The following ZMIZ1 variants were observed in gnomAD, a reference collection of about 807,000 sequenced individuals.
ZMIZ1 encodes zinc finger MIZ-type containing 1.
In ZMIZ1, 17 loss-of-function variants were observed where a neutral mutation model predicts 113.9. The observed-to-expected ratio is 0.15, with a 90% CI of 0.10 to 0.22. ZMIZ1 has a LOEUF of 0.22. Ranked by LOEUF, ZMIZ1 falls within the 10% of genes least tolerant of loss-of-function variation. The probability of loss-of-function intolerance (pLI) is 1.00; values close to 1 mark genes in which losing one functional copy is unlikely to be tolerated. For synonymous variants in ZMIZ1, 607 were observed against 603.1 expected, an observed-to-expected ratio of 1.01 and a Z score of -0.09; for missense variants, 1,059 against 1,477.8, an observed-to-expected ratio of 0.72 and a Z score of 4.65.
intron 1 of ZMIZ1, among the ~76,000 whole-genome samples, chr10:79,107,680 G>A (rs1201055742): frequency 1.3e-5 from 2 of 152,216 alleles, no homozygotes; most frequent in Admixed American, 6.5e-5. Flanking sequence ...GTTGATGGAC[G>A]CTACTTGGAG....
chr10:79,184,889 T>C (rs1196270034), intron 4 of ZMIZ1, among the ~76,000 whole-genome samples: 1 of 152,224 alleles, frequency 6.6e-6, no homozygotes, highest in Non-Finnish European at 1.5e-5. Context: ...CCTCAGCTGC[T>C]GTCAGATGAA....
intron 6 of ZMIZ1, among the ~76,000 whole-genome samples, chr10:79,214,556 C>T (rs973730320): frequency 7.2e-5 from 11 of 152,114 alleles, no homozygotes; most frequent in African/African-American, 2.4e-4. Flanking sequence ...CCCTTTTAGC[C>T]CCAGAGCCCC....
chr10:79,073,237 G>A (rs1350267078), intron 1 of ZMIZ1, among the ~76,000 whole-genome samples: 6 of 152,212 alleles, frequency 3.9e-5, no homozygotes, highest in African/African-American at 1.4e-4. Context: ...GATCCCACTT[G>A]GTTGCTGGGA....
chr10:79,142,063 C>T (rs982385479), intron 3 of ZMIZ1, among the ~76,000 whole-genome samples: 8 of 152,150 alleles, frequency 5.3e-5, no homozygotes, highest in Admixed American at 3.9e-4. Flanking sequence ...AAGACGGAGA[C>T]AGTCAGGGAA....
intron 2 of ZMIZ1, among the ~76,000 whole-genome samples, chr10:79,138,662 C>T (rs919845188): frequency 6.6e-6 from 1 of 152,210 alleles, no homozygotes. Context: ...GCCCGCCCCT[C>T]CTCCATGCCT....
chr10:79,099,312 C>T (rs977974032), intron 1 of ZMIZ1, among the ~76,000 whole-genome samples: 4 of 152,112 alleles, frequency 2.6e-5, no homozygotes, highest in Non-Finnish European at 5.9e-5. Context: ...CACAGGGACC[C>T]CATGCTCCCA....
At chr10:79,090,696 T>C (rs1355338047) in intron 1 of ZMIZ1, among the ~76,000 whole-genome samples, 1 of 152,094 alleles carries the variant, frequency 6.6e-6, no homozygotes, top group Non-Finnish European at 1.5e-5. Context: ...CTTTCACGGG[T>C]CCATCTGGAG....
intron 1 of ZMIZ1, among the ~76,000 whole-genome samples, chr10:79,095,919 G>T (rs982304625): frequency 3.9e-5 from 6 of 152,228 alleles, no homozygotes; most frequent in Non-Finnish European, 7.3e-5. Context: ...GCCATCTAGG[G>T]ATGTCTCCTC....
At position 79,297,284 on chromosome 10, in the gene ZMIZ1, G is replaced by A. The variant is rs78970446; in HGVS notation, c.1414-329G>A. Among the ~76,000 whole-genome samples the A allele has an allele frequency of 1.0e-2, 1,516 of 152,316 alleles. 19 individuals carry two copies. Among genetic ancestry groups the A allele is most frequent in the Non-Finnish European group, 0.017 (1,138 of 68,022 alleles). On this transcript the variant is annotated intron_variant, in intron 13 of 24. Coordinates refer to ENST00000334512, the MANE Select transcript of ZMIZ1 (RefSeq NM_020338.4). ...GGATTATTTTCTTGGGAGTAAAGAAGACACTTTATTATTTTACATTTATTT... is the reference window on the plus strand; with the variant it reads ...GGATTATTTTCTTGGGAGTAAAGAAAACACTTTATTATTTTACATTTATTT...
chr10:79,269,898 A>G (rs1589529724), intron 7 of ZMIZ1, among the ~76,000 whole-genome samples: 1 of 152,014 alleles, frequency 6.6e-6, no homozygotes, highest in Non-Finnish European at 1.5e-5. Context: ...TCCCCGTGAC[A>G]CCCGACCCGA....
chr10:79,108,140 G>A (rs930999388), intron 1 of ZMIZ1, among the ~76,000 whole-genome samples: 1 of 152,096 alleles, frequency 6.6e-6, no homozygotes, highest in Non-Finnish European at 1.5e-5. Flanking sequence ...AATCATCCTC[G>A]CTCCACTGTG....
intron 7 of ZMIZ1, among the ~76,000 whole-genome samples, chr10:79,263,317 TGA>T (rs1851381055): frequency 6.6e-6 from 1 of 152,192 alleles, no homozygotes; most frequent in African/African-American, 2.4e-5. Flanking sequence ...ATCAGGAACC[TGA>T]GAGTCTTGGC....
At chr10:79,237,915 C>T (rs1849658387) in intron 7 of ZMIZ1, among the ~76,000 whole-genome samples, 1 of 152,228 alleles carries the variant, frequency 6.6e-6, no homozygotes, top group South Asian at 2.1e-4. Context: ...ACCAGCTAGT[C>T]AGAACTTGTT....
intron 8 of ZMIZ1, 112 bp from the exon 9 acceptor site, chr10:79,289,663 G>A: frequency 1.1e-6 from 1 of 950,262 alleles, no homozygotes; most frequent in Admixed American, 2.1e-5. Context: ...CTCGGATGGG[G>A]GTTACCTTGG....
chr10:79,162,713 TGGCAC>T (rs1223230436), intron 4 of ZMIZ1, among the ~76,000 whole-genome samples: 35 of 152,262 alleles, frequency 2.3e-4, no homozygotes, highest in African/African-American at 7.9e-4. Context: ...ACTACACACC[TGGCAC>T]ACAGCAAGGA....
intron 1 of ZMIZ1, among the ~76,000 whole-genome samples, chr10:79,091,969 G>C (rs11002808): frequency 0.27 from 40,774 of 151,952 alleles, 6,016 homozygotes; most frequent in Non-Finnish European, 0.33. Context: ...TGGAGTCCCT[G>C]AGGTGTACTT....
chr10:79,151,338 G>A (rs537489257), intron 3 of ZMIZ1, among the ~76,000 whole-genome samples: 11 of 152,300 alleles, frequency 7.2e-5, no homozygotes, highest in South Asian at 2.1e-4. Context: ...GGCCCCCTGC[G>A]GCCCTTCCCT....
intron 2 of ZMIZ1, among the ~76,000 whole-genome samples, chr10:79,137,751 A>G (rs997835771): frequency 2.3e-4 from 35 of 151,584 alleles, no homozygotes; most frequent in Non-Finnish European, 1.2e-4. Context: ...TCTCTCTCCG[A>G]GAGGAGGCAG....
chr10:79,106,897 C>G (rs1041902313), intron 1 of ZMIZ1, among the ~76,000 whole-genome samples: 2 of 152,254 alleles, frequency 1.3e-5, no homozygotes, highest in Non-Finnish European at 2.9e-5. Flanking sequence ...GCCCTGGTTT[C>G]AGATCCTTCA....
Sources: gnomAD v4.1 joint callset for allele counts (sites outside exome capture counted in the v4.1 genomes callset) on GRCh38, gnomAD v4.1.1 for gene constraint, MANE v1.5 for transcripts, NCBI Gene and HGNC (gene_info 2026-07-23, HGNC 2026-07-21) for gene names.